The following PTPRQ variants were observed in gnomAD, a reference collection of about 807,000 sequenced individuals.
PTPRQ encodes protein tyrosine phosphatase receptor type Q, also known as phosphatidylinositol phosphatase PTPRQ.
In PTPRQ, 199 loss-of-function variants were observed where a neutral mutation model predicts 246.0. The observed-to-expected ratio is 0.81, with a 90% CI of 0.72 to 0.91. PTPRQ has a LOEUF of 0.91. PTPRQ is among the 40% of genes least tolerant of loss of function. The probability of loss-of-function intolerance (pLI) is 0.00; values close to 1 mark genes in which losing one functional copy is unlikely to be tolerated. For missense variants in PTPRQ, 2,624 were observed against 2,528.4 expected, an observed-to-expected ratio of 1.04 and a Z score of -0.81; for synonymous variants, 869 against 853.2, an observed-to-expected ratio of 1.02 and a Z score of -0.32.
intron 25 of PTPRQ, among the ~76,000 whole-genome samples, chr12:80,564,720 T>C (rs754445926): frequency 1.3e-5 from 2 of 152,236 alleles, no homozygotes; most frequent in African/African-American, 4.8e-5. Flanking sequence ...ACTGAAGTGT[T>C]TGTTGAGTTT....
chr12:80,489,490 C>T (rs1457060539), intron 9 of PTPRQ, among the ~76,000 whole-genome samples: 1 of 151,982 alleles, frequency 6.6e-6, no homozygotes, highest in African/African-American at 2.4e-5. Flanking sequence ...TTAACTCTTT[C>T]TCATTGAAGA....
chr12:80,495,505 G>T (rs991462962), intron 12 of PTPRQ, 134 bp downstream of exon 12: 1 of 1,194,780 alleles, frequency 8.4e-7, no homozygotes, highest in Admixed American at 3.7e-5. Context: ...GTTGTTTTGT[G>T]TCACCATGAA....
intron 6 of PTPRQ, among the ~76,000 whole-genome samples, chr12:80,466,217 C>G (rs544743997): frequency 2.6e-5 from 4 of 152,226 alleles, no homozygotes; most frequent in South Asian, 4.2e-4. Context: ...CAACAACAGA[C>G]AAACAGAGAG....
At chr12:80,587,972 A>G (rs1897672331) in intron 25 of PTPRQ, among the ~76,000 whole-genome samples, 157 bp from the exon 26 acceptor site, 1 of 152,180 alleles carries the variant, frequency 6.6e-6, no homozygotes, top group Non-Finnish European at 1.5e-5. Flanking sequence ...GCATCACTCT[A>G]AGGTTCTTCT....
At chr12:80,570,433 G>C (rs971048140) in intron 25 of PTPRQ, among the ~76,000 whole-genome samples, 28 of 150,008 alleles carry the variant, frequency 1.9e-4, no homozygotes, top group Non-Finnish European at 3.3e-4. Context: ...GGGGTTGTTT[G>C]TTTTTTTTCT....
At chr12:80,498,237 GAAAC>G (rs1894688362) in intron 14 of PTPRQ, among the ~76,000 whole-genome samples, 1 of 151,984 alleles carries the variant, frequency 6.6e-6, no homozygotes, top group Non-Finnish European at 1.5e-5. Flanking sequence ...TTAAGGAAAT[GAAAC>G]AAGCATATTT....
At chr12:80,445,067 C>T (rs1023744991) in intron 2 of PTPRQ, among the ~76,000 whole-genome samples, 1 of 151,832 alleles carries the variant, frequency 6.6e-6, no homozygotes, top group African/African-American at 2.4e-5. Flanking sequence ...TTACTCTATA[C>T]TTGTTTGTGA....
intron 35 of PTPRQ, among the ~76,000 whole-genome samples, chr12:80,647,465 G>A (rs1243277403): frequency 6.6e-6 from 1 of 152,018 alleles, no homozygotes; most frequent in Non-Finnish European, 1.5e-5. Flanking sequence ...TTATCTTAAG[G>A]GAGCTAGGTA....
At chr12:80,560,633 A>G (rs553432825) in intron 25 of PTPRQ, among the ~76,000 whole-genome samples, 54 of 152,362 alleles carry the variant, frequency 3.5e-4, no homozygotes, top group Admixed American at 9.8e-4. Context: ...AACACAAATA[A>G]TAGTTTAAGA....
chr12:80,579,495 ATCT>A (rs1897371205), intron 25 of PTPRQ, among the ~76,000 whole-genome samples: 1 of 152,064 alleles, frequency 6.6e-6, no homozygotes, highest in South Asian at 2.1e-4. Flanking sequence ...GAGCTCCCAG[ATCT>A]TCTTCTCTGT....
chr12:80,642,642 C>T (rs1899905494), intron 35 of PTPRQ, among the ~76,000 whole-genome samples: 1 of 152,062 alleles, frequency 6.6e-6, no homozygotes, highest in African/African-American at 2.4e-5. Flanking sequence ...AATTGAGGGC[C>T]GGGCGCGGTG....
At chr12:80,473,126 A>G (rs1404570170) in intron 8 of PTPRQ, among the ~76,000 whole-genome samples, 1 of 152,016 alleles carries the variant, frequency 6.6e-6, no homozygotes, top group Non-Finnish European at 1.5e-5. Context: ...GGCAGTAACT[A>G]TTAGGAAATT....
At chr12:80,530,361 G>A (rs1895809226) in intron 17 of PTPRQ, among the ~76,000 whole-genome samples, 1 of 151,996 alleles carries the variant, frequency 6.6e-6, no homozygotes, top group South Asian at 2.1e-4. Context: ...TGAGGATAGG[G>A]GCTGTATCTT....
intron 14 of PTPRQ, among the ~76,000 whole-genome samples, chr12:80,501,627 A>G (rs1219648222): frequency 1.3e-5 from 2 of 152,000 alleles, no homozygotes; most frequent in Admixed American, 1.3e-4. Context: ...GACGTTAAGA[A>G]GCTTACAGCT....
intron 17 of PTPRQ, among the ~76,000 whole-genome samples, chr12:80,532,513 A>T (rs1000297502): frequency 6.6e-6 from 1 of 151,766 alleles, no homozygotes; most frequent in Non-Finnish European, 1.5e-5. Flanking sequence ...GAGCCACCAC[A>T]CTCGTCTTAA....
intron 42 of PTPRQ, 86 bp downstream of exon 42, chr12:80,670,578 T>C: frequency 1.4e-6 from 2 of 1,395,456 alleles, no homozygotes; most frequent in South Asian, 3.7e-5. Flanking sequence ...AAAATGTTCA[T>C]GTAAATTTCT....
chr12:80,582,045 A>G (rs1449459901), intron 25 of PTPRQ, among the ~76,000 whole-genome samples: 5 of 152,196 alleles, frequency 3.3e-5, no homozygotes, highest in East Asian at 1.9e-4. Context: ...CGATTATCCT[A>G]CAGATTTACT....
At chr12:80,613,568 T>C in intron 28 of PTPRQ, 24 bp from the exon 29 acceptor site, 1 of 1,475,060 alleles carries the variant, frequency 6.8e-7, no homozygotes, top group Non-Finnish European at 9.0e-7. Context: ...TTTTAAAAAT[T>C]AATTGTTAAA....
intron 39 of PTPRQ, 140 bp from the exon 40 acceptor site, chr12:80,668,867 A>G: frequency 2.5e-6 from 3 of 1,184,046 alleles, no homozygotes; most frequent in Non-Finnish European, 3.3e-6. Context: ...AATTTTGAGT[A>G]TTTAAGATTA....
Sources: allele counts gnomAD v4.1 joint callset (sites outside exome capture counted in the v4.1 genomes callset), GRCh38; gene constraint gnomAD v4.1.1; transcripts MANE v1.5; gene names NCBI Gene and HGNC (gene_info 2026-07-23, HGNC 2026-07-21).